The following VEPH1 variants were observed in gnomAD, a reference collection of about 807,000 sequenced individuals.
The protein encoded by VEPH1 is ventricular zone expressed PH domain containing 1, also known as ventricular zone-expressed PH domain-containing protein homolog 1.
In VEPH1, 80 loss-of-function variants were observed where a neutral mutation model predicts 85.2. That is an observed-to-expected ratio of 0.94 (90% CI 0.78 to 1.13). The LOEUF (loss-of-function observed/expected upper bound fraction) is 1.13. VEPH1 is among the 50% of genes most tolerant of loss of function. The pLI, the probability that VEPH1 is intolerant of heterozygous loss-of-function variation, is 0.00. For synonymous variants in VEPH1, 297 were observed against 348.0 expected (o/e 0.85, Z 1.63); for missense variants, 955 against 980.5 (o/e 0.97, Z 0.35).
intron 11 of VEPH1, among the ~76,000 whole-genome samples, chr3:157,289,430 G>C (rs571204621): frequency 6.6e-6 from 1 of 152,180 alleles, no homozygotes; most frequent in Admixed American, 6.5e-5. Context: ...GAGGATTTAG[G>C]TGTTGTGCTA....
chr3:157,296,814 G>A (rs1214010701), intron 11 of VEPH1, among the ~76,000 whole-genome samples: 2 of 152,202 alleles, frequency 1.3e-5, no homozygotes, highest in Non-Finnish European at 2.9e-5. Context: ...GCCATTCACT[G>A]GCAGTTCTTG....
chr3:157,503,559 C>A (rs1447114408), upstream of VEPH1: 1 of 152,180 alleles, frequency 6.6e-6, no homozygotes, highest in African/African-American at 2.4e-5. Flanking sequence ...TCACTTATTT[C>A]TACACTAGAT....
intron 6 of VEPH1, among the ~76,000 whole-genome samples, chr3:157,387,503 C>A (rs540265988): frequency 6.6e-6 from 1 of 152,294 alleles, no homozygotes; most frequent in South Asian, 2.1e-4. Context: ...AATATTAAAT[C>A]AAGATTCATC....
At chr3:157,488,711 CAT>C (rs1215811296) in intron 2 of VEPH1, among the ~76,000 whole-genome samples, 2 of 151,924 alleles carry the variant, frequency 1.3e-5, no homozygotes, top group Non-Finnish European at 2.9e-5. Flanking sequence ...GCTCCAGACT[CAT>C]ACATACAATA....
chr3:157,347,522 G>A (rs1019691541), intron 9 of VEPH1, among the ~76,000 whole-genome samples: 4 of 152,110 alleles, frequency 2.6e-5, no homozygotes, highest in African/African-American at 9.7e-5. Context: ...CTCCCAACAG[G>A]AGAGGACCAC....
intron 9 of VEPH1, among the ~76,000 whole-genome samples, chr3:157,321,195 TC>T (rs1382946437): frequency 6.6e-6 from 1 of 152,158 alleles, no homozygotes; most frequent in Non-Finnish European, 1.5e-5. Flanking sequence ...GAAATTTCCC[TC>T]CCAGTGAAAT....
intron 7 of VEPH1, among the ~76,000 whole-genome samples, chr3:157,377,912 T>A (rs1208121303): frequency 6.6e-6 from 1 of 152,164 alleles, no homozygotes. Context: ...ATATAATATT[T>A]TTTCTCTTTA....
At chr3:157,499,380 C>G (rs1158505615) in intron 1 of VEPH1, 3 of 151,982 alleles carry the variant, frequency 2.0e-5, no homozygotes, top group Non-Finnish European at 4.4e-5. Context: ...CTGTCCCGCG[C>G]AAACTCGACT....
chr3:157,503,185 C>A (rs1274782297), intron 1 of VEPH1, 92 bp downstream of exon 1: 3 of 152,252 alleles, frequency 2.0e-5, no homozygotes, highest in Non-Finnish European at 2.9e-5. Flanking sequence ...TTCTCCTATC[C>A]CCCACTCTTT....
At chr3:157,441,741 C>T (rs1196115452) in intron 4 of VEPH1, among the ~76,000 whole-genome samples, 2 of 150,794 alleles carry the variant, frequency 1.3e-5, no homozygotes, top group Admixed American at 6.6e-5. Flanking sequence ...ACCTGGGAAG[C>T]GAAGGTTGCC....
intron 11 of VEPH1, among the ~76,000 whole-genome samples, chr3:157,301,154 G>C (rs1718749914): frequency 6.6e-6 from 1 of 152,172 alleles, no homozygotes; most frequent in Non-Finnish European, 1.5e-5. Context: ...CACGGAGCAT[G>C]CTGTAAACAT....
At chr3:157,326,613 A>G (rs1429043751) in intron 9 of VEPH1, among the ~76,000 whole-genome samples, 1 of 152,240 alleles carries the variant, frequency 6.6e-6, no homozygotes, top group African/African-American at 2.4e-5. Flanking sequence ...AGGAGAATAT[A>G]GAATGGAACA....
intron 7 of VEPH1, among the ~76,000 whole-genome samples, chr3:157,369,203 A>AAAAAAAAAAC (rs1432731941): frequency 6.7e-6 from 1 of 148,962 alleles, no homozygotes; most frequent in Non-Finnish European, 1.5e-5. Context: ...AAAAAAAAAA[A>AAAAAAAAAAC]ACCTCCTGAG....
At chr3:157,363,886 G>T in intron 8 of VEPH1, 125 bp from the exon 9 acceptor site, 1 of 1,097,328 alleles carries the variant, frequency 9.1e-7, no homozygotes, top group Non-Finnish European at 1.3e-6. Flanking sequence ...TAACAGGCCT[G>T]ATAAATGTAT....
chr3:157,480,116 T>C (rs1737892605), intron 2 of VEPH1, among the ~76,000 whole-genome samples: 2 of 151,620 alleles, frequency 1.3e-5, no homozygotes, highest in South Asian at 2.1e-4. Flanking sequence ...CTAATAGATA[T>C]CTTTATTGCA....
At chr3:157,446,216 G>GAATAATAT (rs1168321401) in intron 4 of VEPH1, among the ~76,000 whole-genome samples, 121 of 151,960 alleles carry the variant, frequency 8.0e-4, no homozygotes, top group African/African-American at 2.8e-3. Flanking sequence ...TTATTTGTGT[G>GAATAATAT]TGTAGAGTGA....
chr3:157,492,817 A>G (rs1739337392), intron 2 of VEPH1, among the ~76,000 whole-genome samples: 1 of 152,180 alleles, frequency 6.6e-6, no homozygotes, highest in Non-Finnish European at 1.5e-5. Context: ...AATAATAGCT[A>G]TAAGAAGAAG....
chr3:157,313,522 C>T (rs535902554), intron 11 of VEPH1, 99 bp downstream of exon 11: 23 of 1,374,604 alleles, frequency 1.7e-5, no homozygotes, highest in African/African-American at 1.2e-4. Flanking sequence ...GAAAGGTAAA[C>T]GAAAGAAGGA....
At chr3:157,276,284 C>T (rs1373165220) in intron 12 of VEPH1, among the ~76,000 whole-genome samples, 1 of 152,196 alleles carries the variant, frequency 6.6e-6, no homozygotes, top group Non-Finnish European at 1.5e-5. Context: ...AAAAAAGCTT[C>T]AGAAATACGG....
Sources: gnomAD v4.1 joint callset for allele counts (sites outside exome capture counted in the v4.1 genomes callset) on GRCh38, gnomAD v4.1.1 for gene constraint, MANE v1.5 for transcripts, NCBI Gene and HGNC (gene_info 2026-07-23, HGNC 2026-07-21) for gene names.